The following MTUS1 variants were observed in gnomAD, a reference collection of about 807,000 sequenced individuals.
MTUS1 encodes microtubule-associated tumor suppressor 1.
Under a neutral mutation model 120.8 loss-of-function variants are expected in MTUS1, and 109 were observed. That is an observed-to-expected ratio of 0.90 (90% CI 0.77 to 1.06). MTUS1 has a LOEUF of 1.06. Among genes scored for constraint, MTUS1 ranks in the 50% least tolerant of loss-of-function variants. The pLI is 0.00. For synonymous variants in MTUS1, 737 were observed against 550.5 expected (o/e 1.34, Z -4.74); for missense variants, 2,210 against 1,486.3 (o/e 1.49, Z -8.01).
intron 2 of MTUS1, among the ~76,000 whole-genome samples, chr8:17,745,016 C>T (rs1369068549): frequency 2.0e-5 from 3 of 152,176 alleles, no homozygotes; most frequent in African/African-American, 7.2e-5. Flanking sequence ...CACCTAGGCA[C>T]ATGTTCTGAG....
intron 1 of MTUS1, among the ~76,000 whole-genome samples, chr8:17,769,248 T>C (rs1404373875): frequency 6.8e-6 from 1 of 146,968 alleles, no homozygotes; most frequent in Non-Finnish European, 1.5e-5. Flanking sequence ...TTTTTTTTTT[T>C]TTGGCTCAAC....
chr8:17,665,990 T>G (rs1037930280), intron 8 of MTUS1, among the ~76,000 whole-genome samples: 1 of 151,418 alleles, frequency 6.6e-6, no homozygotes, highest in Non-Finnish European at 1.5e-5. Flanking sequence ...TTCTAGCCTC[T>G]CCCTGCCAGT....
chr8:17,786,781 T>G (rs1465586397), intron 1 of MTUS1, among the ~76,000 whole-genome samples: 2 of 152,082 alleles, frequency 1.3e-5, no homozygotes, highest in Non-Finnish European at 2.9e-5. Flanking sequence ...TATGTGATAT[T>G]AAGAGTTAAG....
Position 17,755,384 on chromosome 8 carries a change from G to C in MTUS1, c.424C>G (p.Pro142Ala), listed in dbSNP as rs767030171. 6.2e-7 allele frequency: 1 copy of C among 1,614,146 alleles called. No individual in the cohort carries two copies. The highest frequency in any genetic ancestry group is 1.1e-5 in the South Asian group (1 of 91,080). ...VEPSLPFVWK[P>A]NDNLNCAGYC... ...CCTGCACAGTTCAAATTGTCATTAGGCTTCCACACAAAAGGCAAAGATGGC... is the reference window on the plus strand; with the variant it reads ...CCTGCACAGTTCAAATTGTCATTAGCCTTCCACACAAAAGGCAAAGATGGC... The change falls in exon 2 of 15, where the codon CCT (proline) becomes GCT (alanine). Residue 142 changes from proline (P) to alanine (A), a missense_variant. Pro to Ala is a conservative substitution (Grantham distance 27). Coordinates refer to ENST00000693296, the MANE Select transcript of MTUS1 (RefSeq NM_001363059.2).
intron 1 of MTUS1, among the ~76,000 whole-genome samples, chr8:17,777,155 G>A (rs531895457): frequency 6.6e-6 from 1 of 152,248 alleles, no homozygotes; most frequent in South Asian, 2.1e-4. Context: ...AGGTGGCTAT[G>A]GCCGGGCACT....
At chr8:17,781,863 G>A (rs1029457197) in intron 1 of MTUS1, among the ~76,000 whole-genome samples, 4 of 152,150 alleles carry the variant, frequency 2.6e-5, no homozygotes, top group African/African-American at 9.7e-5. Flanking sequence ...CTTGGCCCTA[G>A]ATAATCATGA....
intron 3 of MTUS1, among the ~76,000 whole-genome samples, chr8:17,730,485 T>TAAAAAA (rs56305317): frequency 3.3e-5 from 4 of 122,800 alleles, no homozygotes; most frequent in Non-Finnish European, 6.7e-5. Flanking sequence ...ACTCTGTCTT[T>TAAAAAA]AAAAAAAAAA....
In MTUS1 at chr8:17,754,584, T is replaced by C. The variant is rs746639521; in HGVS notation, c.1224A>G (p.Ser408=). 2 of 1,614,220 alleles carry C rather than the reference T, an allele frequency of 1.2e-6. No homozygotes were observed. Among genetic ancestry groups the C allele is most frequent in the Non-Finnish European group, 1.7e-6 (2 of 1,180,034 alleles). ...CATTTGCATCCCAAGTCAGTCCAAA[T>C]GACGAGCCCACCTTTTGTCCTGGCG... ...SSPPGQKVGS[S]FGLTWDANDM... Residue 408 remains serine, a synonymous_variant, in exon 2 of 15, where the codon TCA becomes TCG. Coordinates refer to ENST00000693296, the MANE Select transcript of MTUS1 (RefSeq NM_001363059.2).
chr8:17,730,049 T>C (rs2046461449), intron 3 of MTUS1, among the ~76,000 whole-genome samples: 2 of 149,010 alleles, frequency 1.3e-5, no homozygotes, highest in Admixed American at 6.7e-5. Flanking sequence ...ACGGAGAAAC[T>C]GGAACCCTTG....
At chr8:17,740,140 G>A (rs941868768) in intron 3 of MTUS1, among the ~76,000 whole-genome samples, 12 of 152,006 alleles carry the variant, frequency 7.9e-5, no homozygotes, top group South Asian at 2.1e-4. Flanking sequence ...CCCAGGAGGC[G>A]GAGGTTGCAG....
At chr8:17,748,705 C>A (rs1055909471) in intron 2 of MTUS1, among the ~76,000 whole-genome samples, 3 of 151,984 alleles carry the variant, frequency 2.0e-5, no homozygotes, top group Non-Finnish European at 4.4e-5. Flanking sequence ...CCCACACACT[C>A]CTGCCCGCAA....
chr8:17,794,470 G>A (rs529269449), intron 1 of MTUS1, among the ~76,000 whole-genome samples: 2 of 152,106 alleles, frequency 1.3e-5, no homozygotes, highest in Non-Finnish European at 2.9e-5. Context: ...TGTATGTGGG[G>A]CCTAGATTGG....
At position 17,717,545 on chromosome 8, in the gene MTUS1, T is replaced by C. The variant is rs180803728; in HGVS notation, c.2450-1644A>G. Among the ~76,000 whole-genome samples, 361 of 152,316 alleles carry C rather than the reference T, an allele frequency of 2.4e-3. 2 individuals carry two copies. The highest frequency in any genetic ancestry group is 2.9e-3 in the Non-Finnish European group (195 of 68,024). The stretch of plus-strand genomic sequence containing the variant: ...TTGATTATATTCAGCAACAAATAAG[T>C]CACTTATTCATATTTTAAAAAATTA... On this transcript the variant is annotated intron_variant, in intron 4 of 14. Transcript: ENST00000693296.
At chr8:17,721,632 T>A in intron 4 of MTUS1, 1 of 1,451,724 alleles carries the variant, frequency 6.9e-7, no homozygotes. Flanking sequence ...AAAACAGAAG[T>A]CAAGAGATCC....
At chr8:17,722,564 C>G (rs191829953) in intron 4 of MTUS1, 187 of 985,350 alleles carry the variant, frequency 1.9e-4, no homozygotes, top group Middle Eastern at 1.6e-3. Flanking sequence ...TATGCAGCTA[C>G]TTACTCTCAT....
At chr8:17,706,656 A>C (rs1820227655) in intron 6 of MTUS1, among the ~76,000 whole-genome samples, 3 of 152,208 alleles carry the variant, frequency 2.0e-5, no homozygotes, top group Non-Finnish European at 4.4e-5. Context: ...AAATGGGTAC[A>C]TATTGTGATT....
intron 1 of MTUS1, chr8:17,770,667 T>C (rs754177342): frequency 2.6e-5 from 4 of 152,180 alleles, no homozygotes; most frequent in South Asian, 2.1e-4. Flanking sequence ...GCAGCAGTAA[T>C]AGGGCTGAGT....
At chr8:17,699,357 G>C (rs1477122425) in intron 6 of MTUS1, among the ~76,000 whole-genome samples, 1 of 152,112 alleles carries the variant, frequency 6.6e-6, no homozygotes, top group Non-Finnish European at 1.5e-5. Context: ...TGGGATTACA[G>C]GTGCCCGCCA....
intron 8 of MTUS1, among the ~76,000 whole-genome samples, chr8:17,658,052 C>CACACACACACACACAT (rs1808843745): frequency 6.6e-6 from 1 of 151,308 alleles, no homozygotes; most frequent in Non-Finnish European, 1.5e-5. Flanking sequence ...CACACACACA[C>CACACACACACACACAT]ACACACACAG....
Sources: allele counts gnomAD v4.1 joint callset (sites outside exome capture counted in the v4.1 genomes callset), GRCh38; gene constraint gnomAD v4.1.1; transcripts MANE v1.5; gene names NCBI Gene and HGNC (gene_info 2026-07-23, HGNC 2026-07-21).